Variants in FBXO32 observed in about 807,000 individuals in gnomAD.
FBXO32 encodes the protein F-box only protein 32.
FBXO32 carries 15 observed loss-of-function variants against 48.3 expected under a neutral mutation model. The observed-to-expected ratio is 0.31, with a 90% CI of 0.21 to 0.48. FBXO32 has a LOEUF of 0.48. Among genes scored for constraint, FBXO32 ranks in the 20% least tolerant of loss-of-function variants. FBXO32 has a pLI of 0.99. For synonymous variants in FBXO32, 154 were observed against 165.9 expected, an observed-to-expected ratio of 0.93 and a Z score of 0.55; for missense variants, 309 against 432.7, an observed-to-expected ratio of 0.71 and a Z score of 2.54.
intron 1 of FBXO32, among the ~76,000 whole-genome samples, chr8:123,535,977 T>C (rs898124987): frequency 6.6e-6 from 1 of 152,212 alleles, no homozygotes; most frequent in African/African-American, 2.4e-5. Flanking sequence ...TCTATTTCCT[T>C]GGCATTGTGT....
At chr8:123,535,737 T>G (rs1817296768) in intron 1 of FBXO32, among the ~76,000 whole-genome samples, 1 of 152,054 alleles carries the variant, frequency 6.6e-6, no homozygotes, top group Non-Finnish European at 1.5e-5. Flanking sequence ...AATACTGAGG[T>G]ATGATAAGAT....
At chr8:123,535,713 A>G (rs1216801005) in intron 1 of FBXO32, among the ~76,000 whole-genome samples, 3 of 152,200 alleles carry the variant, frequency 2.0e-5, no homozygotes, top group Non-Finnish European at 4.4e-5. Context: ...TTTCCACAGA[A>G]GGAATGCAGG....
At chr8:123,533,384 T>G (rs1297142076) in intron 2 of FBXO32, 144 bp from the exon 3 acceptor site, 1 of 668,306 alleles carries the variant, frequency 1.5e-6, no homozygotes, top group Non-Finnish European at 2.6e-6. Context: ...TTTCAAGTGC[T>G]TAATTTCTGC....
chr8:123,531,854 C>A, intron 4 of FBXO32, 44 bp downstream of exon 4: 2 of 1,602,650 alleles, frequency 1.2e-6, no homozygotes, highest in Non-Finnish European at 1.7e-6. Context: ...GATGATTCAA[C>A]TTGGGAAAGA....
intron 4 of FBXO32, among the ~76,000 whole-genome samples, chr8:123,519,760 T>C (rs1475544972): frequency 6.6e-6 from 1 of 151,916 alleles, no homozygotes; most frequent in Non-Finnish European, 1.5e-5. Flanking sequence ...ATGGAACTAG[T>C]AGTGAAGAGA....
Position 123,541,203 on chromosome 8 carries a change from T to C in FBXO32, c.-189A>G. ...TCTCAAGCGTTGCAGGCTCCGGGAG[T>C]GCTGCGCGGCAGTAGCTGCCGCAGT... On this transcript the variant is annotated 5_prime_UTR_variant, in exon 1 of 9. Transcript: ENST00000517956. The C allele has an allele frequency of 2.8e-6, 1 of 358,588 alleles. No homozygotes were observed. The highest frequency in any genetic ancestry group is 4.2e-5 in the East Asian group (1 of 23,586). The allele number at this position is 358,588 out of a possible 1,614,324, so 22.2% of individuals were successfully genotyped here.
rs1247488931 is a variant in FBXO32 at position 123,506,447 on chromosome 8, C to G, written c.779G>C (p.Ser260Thr). 5.0e-6 allele frequency: 8 copies of G among 1,614,058 alleles called. No individual in the cohort carries two copies. Among genetic ancestry groups the G allele is most frequent in the Non-Finnish European group, 6.8e-6 (8 of 1,180,034 alleles). Residue 260 changes from serine to threonine, a missense_variant, in exon 7 of 9, where the codon AGC becomes ACC. Ser to Thr is a moderately conservative substitution (Grantham distance 58). Coordinates refer to ENST00000517956, the MANE Select transcript of FBXO32 (RefSeq NM_058229.4). This position sits in a 1 kb window ranked among gnomAD's most constrained non-coding sequence, Gnocchi z 4.0. ...GQAAPDLHVLSEDRLLWKKLC... is the reference protein window; with the variant it reads ...GQAAPDLHVLTEDRLLWKKLC... ...TTTCTTCCACAGCAGCCGGTCTTCG[C>G]TGAGCACGTGCAGGTCGGGGGCAGC...
At chr8:123,508,538 T>C (rs1293118912) in intron 6 of FBXO32, among the ~76,000 whole-genome samples, 1 of 152,174 alleles carries the variant, frequency 6.6e-6, no homozygotes, top group African/African-American at 2.4e-5. Context: ...GTAGAAGGAC[T>C]TCAGCCTCCT....
intron 4 of FBXO32, among the ~76,000 whole-genome samples, chr8:123,520,078 G>A (rs1282465279): frequency 3.3e-5 from 5 of 152,174 alleles, no homozygotes; most frequent in Admixed American, 2.6e-4. Context: ...GTAAGCCATC[G>A]CGCACAGCCC....
At chr8:123,523,662 A>ATGCTGGTGG (rs1456219304) in intron 4 of FBXO32, among the ~76,000 whole-genome samples, 1 of 152,100 alleles carries the variant, frequency 6.6e-6, no homozygotes, top group Non-Finnish European at 1.5e-5. Context: ...CACTGCTGGG[A>ATGCTGGTGG]TGCTGGTGGT....
rs573751195 is a variant in FBXO32, at chr8:123,529,450, T to A, written c.372+2448A>T. On this transcript the variant is annotated intron_variant, in intron 4 of 8. Transcript: ENST00000517956. ...GATAGATTCTAGTGTCCAAAGTACT[T>A]CTGTTTATATCACTGAGTTTCCCCA... is the stretch of plus-strand genomic sequence containing the variant. 5.3e-5 allele frequency among the ~76,000 whole-genome samples: 8 copies of A among 152,368 alleles called. No homozygotes were observed. The South Asian group carries it at 1.7e-3, about 32-fold the overall frequency.
chr8:123,511,773 G>T (rs1033522787), intron 6 of FBXO32, among the ~76,000 whole-genome samples: 1 of 152,170 alleles, frequency 6.6e-6, no homozygotes, highest in African/African-American at 2.4e-5. Flanking sequence ...ACTGCACCTG[G>T]CCAACTGTGA....
At chr8:123,516,723 C>T (rs746958196) in intron 4 of FBXO32, among the ~76,000 whole-genome samples, 1 of 152,146 alleles carries the variant, frequency 6.6e-6, no homozygotes, top group African/African-American at 2.4e-5. Flanking sequence ...AAACCAAACT[C>T]CTTTTTCTCC....
intron 1 of FBXO32, among the ~76,000 whole-genome samples, chr8:123,538,957 A>G (rs561645713): frequency 3.3e-5 from 5 of 152,292 alleles, no homozygotes; most frequent in Non-Finnish European, 7.4e-5. Context: ...GGAGAGTGAC[A>G]CCAGTTTCTC....
intron 4 of FBXO32, among the ~76,000 whole-genome samples, chr8:123,521,459 G>A (rs1211998408): frequency 1.3e-5 from 2 of 152,194 alleles, no homozygotes; most frequent in African/African-American, 4.8e-5. Context: ...CCCCAGGAGT[G>A]GCATGGGCCT....
chr8:123,535,534 T>C lies in FBXO32; in HGVS notation c.117-720A>G, dbSNP rs530434899. On this transcript the variant is annotated intron_variant, in intron 1 of 8. Transcript: ENST00000517956. Reference sequence around the variant, plus strand: ...GGTAAACTTATAATTGATAAATTTATAAGGGCTGAACAGACATTGGATGTA... The same window carrying C: ...GGTAAACTTATAATTGATAAATTTACAAGGGCTGAACAGACATTGGATGTA... Among the ~76,000 whole-genome samples the C allele has an allele frequency of 7.2e-5, 11 of 152,328 alleles. No homozygotes were observed. The South Asian group carries it at 2.3e-3, about 32-fold the overall frequency.
intron 4 of FBXO32, among the ~76,000 whole-genome samples, chr8:123,522,226 T>TTG (rs1816970345): frequency 7.0e-6 from 1 of 142,534 alleles, no homozygotes; most frequent in Non-Finnish European, 1.5e-5. Flanking sequence ...TTTTTTTTTT[T>TTG]TGAGATGGAG....
intron 2 of FBXO32, among the ~76,000 whole-genome samples, chr8:123,533,497 T>C (rs1214609969): frequency 6.6e-6 from 1 of 152,170 alleles, no homozygotes; most frequent in Non-Finnish European, 1.5e-5. Flanking sequence ...TATTTTTTTT[T>C]CTAAAGCATT....
intron 4 of FBXO32, among the ~76,000 whole-genome samples, chr8:123,524,237 C>G (rs560234432): frequency 6.6e-6 from 1 of 152,228 alleles, no homozygotes; most frequent in African/African-American, 2.4e-5. Flanking sequence ...TCTGCACAGC[C>G]CCCTCCAATT....
Sources: gnomAD v4.1 joint callset for allele counts (sites outside exome capture counted in the v4.1 genomes callset) on GRCh38, gnomAD v4.1.1 for gene constraint, Gnocchi (gnomAD v3.1) non-coding constraint, MANE v1.5 for transcripts, NCBI Gene and HGNC (gene_info 2026-07-23, HGNC 2026-07-21) for gene names.